The following EXOC6B variants were observed in gnomAD, a reference collection of about 807,000 sequenced individuals.
EXOC6B encodes the protein exocyst complex component 6B.
A neutral mutation model predicts 113.5 loss-of-function variants in EXOC6B; 54 were observed. The ratio of observed to expected loss-of-function variants is 0.48; its 90% CI spans 0.38 to 0.60. The LOEUF (loss-of-function observed/expected upper bound fraction) is 0.60. Among genes scored for constraint, EXOC6B ranks in the 20% least tolerant of loss-of-function variants. EXOC6B has a pLI of 0.00. For missense variants in EXOC6B, 797 were observed against 977.5 expected, an observed-to-expected ratio of 0.82 and a Z score of 2.46; for synonymous variants, 357 against 339.0, an observed-to-expected ratio of 1.05 and a Z score of -0.58.
At chr2:72,354,609 A>G (rs1357679222) in intron 19 of EXOC6B, among the ~76,000 whole-genome samples, 2 of 152,208 alleles carry the variant, frequency 1.3e-5, no homozygotes, top group Non-Finnish European at 2.9e-5. Flanking sequence ...TCTGGAATTC[A>G]AGGAACTTCA....
intron 20 of EXOC6B, among the ~76,000 whole-genome samples, chr2:72,254,453 T>C (rs566238604): frequency 6.6e-6 from 1 of 152,340 alleles, no homozygotes; most frequent in Admixed American, 6.5e-5. Flanking sequence ...AATGCCTTGA[T>C]TTCAGATTTC....
At chr2:72,538,859 C>T (rs1000728734) in intron 8 of EXOC6B, among the ~76,000 whole-genome samples, 2 of 152,140 alleles carry the variant, frequency 1.3e-5, no homozygotes, top group South Asian at 4.1e-4. Context: ...GTTCTCTGCA[C>T]CAAACATCTC....
At position 72,439,207 on chromosome 2, in the gene EXOC6B, AAAAAGT is replaced by A. The variant is rs1696052465; in HGVS notation, c.1980+25947_1980+25952del. The stretch of plus-strand genomic sequence containing the variant: ...ATTGATATGTAAGGTTTTTTAAAGA[AAAAAGT>A]AAAATTATGCATCTTGGGGATATTT... On this transcript the variant is annotated intron_variant, in intron 18 of 21. Transcript: ENST00000272427. Among the ~76,000 whole-genome samples the A allele has an allele frequency of 3.9e-5, 6 of 152,236 alleles. 1 individual carries two copies. In the South Asian group the frequency reaches 1.2e-3, roughly 31 times the overall value.
Position 72,513,133 on chromosome 2 carries a change from G to A in EXOC6B, c.1166C>T (p.Ser389Leu), listed in dbSNP as rs752886733. Reference sequence around the variant, plus strand: ...ACTTCCCTTGGGCTTCTTACATACCGAGTGGGTACGGAGTGCTGCGATGGT... The same window carrying A: ...ACTTCCCTTGGGCTTCTTACATACCAAGTGGGTACGGAGTGCTGCGATGGT... ...SKTIAALRTH[S>L]SYCSDPNLVL... The change falls in exon 11 of 22, where the codon TCG (serine) becomes TTG (leucine). Residue 389 changes from serine (S) to leucine (L), a missense_variant and splice_region_variant. By Grantham distance (145) the Ser-to-Leu change is moderately radical. Transcript: ENST00000272427. 24 of 1,612,624 alleles carry A rather than the reference G, an allele frequency of 1.5e-5. No individual in the cohort carries two copies. Among genetic ancestry groups the A allele is most frequent in the South Asian group, 3.3e-5 (3 of 90,980 alleles).
chr2:72,521,346 A>C (rs1455065729), intron 8 of EXOC6B, among the ~76,000 whole-genome samples: 1 of 152,204 alleles, frequency 6.6e-6, no homozygotes, highest in East Asian at 1.9e-4. Context: ...TCTATTGTTT[A>C]TAAATTACCC....
intron 6 of EXOC6B, among the ~76,000 whole-genome samples, chr2:72,692,856 T>C (rs1677597574): frequency 6.6e-6 from 1 of 152,218 alleles, no homozygotes; most frequent in Admixed American, 6.5e-5. Context: ...AGTGGAATCT[T>C]AGGTTTCAAA....
intron 20 of EXOC6B, among the ~76,000 whole-genome samples, chr2:72,238,080 C>T (rs1682075447): frequency 6.6e-6 from 1 of 152,126 alleles, no homozygotes; most frequent in Non-Finnish European, 1.5e-5. Flanking sequence ...TCATTCCCAT[C>T]CCCCAGCTTC....
intron 6 of EXOC6B, among the ~76,000 whole-genome samples, chr2:72,702,892 A>G (rs1217469485): frequency 2.0e-5 from 3 of 150,624 alleles, no homozygotes; most frequent in Non-Finnish European, 3.0e-5. Context: ...CTCTGATGGT[A>G]GTTTCTTTTG....
chr2:72,232,452 T>A (rs1015512290), intron 20 of EXOC6B, among the ~76,000 whole-genome samples: 5 of 152,186 alleles, frequency 3.3e-5, no homozygotes, highest in African/African-American at 1.2e-4. Flanking sequence ...ACCTAGTAAT[T>A]CTTCTTCTGG....
At chr2:72,229,182 A>C (rs1203154754) in intron 20 of EXOC6B, among the ~76,000 whole-genome samples, 2 of 152,128 alleles carry the variant, frequency 1.3e-5, no homozygotes, top group East Asian at 3.8e-4. Context: ...CTGATTGAGT[A>C]GTGATGCCTT....
Position 72,420,546 on chromosome 2 carries a change from G to A in EXOC6B, c.1981-40676C>T, listed in dbSNP as rs1174924311. Among the ~76,000 whole-genome samples the A allele has an allele frequency of 3.3e-5, 5 of 152,122 alleles. 1 individual carries two copies. The South Asian group carries it at 6.2e-4, about 19-fold the overall frequency. Reference sequence around the variant, plus strand: ...AATGATGGCTTTTACCTTCATCCATGTCCCTGCAAAGGACATGAGCTCATC... The same window carrying A: ...AATGATGGCTTTTACCTTCATCCATATCCCTGCAAAGGACATGAGCTCATC... On this transcript the variant is annotated intron_variant, in intron 18 of 21. Transcript: ENST00000272427.
intron 1 of EXOC6B, among the ~76,000 whole-genome samples, chr2:72,804,904 A>G (rs1030072582): frequency 2.0e-5 from 3 of 152,050 alleles, no homozygotes; most frequent in African/African-American, 7.2e-5. Context: ...GCCAGCCTTT[A>G]AACTCTTAAA....
At chr2:72,767,169 C>A (rs991865166) in intron 1 of EXOC6B, among the ~76,000 whole-genome samples, 2 of 152,054 alleles carry the variant, frequency 1.3e-5, no homozygotes, top group Non-Finnish European at 2.9e-5. Flanking sequence ...GGGGCTCACG[C>A]CTGTAATCCC....
chr2:72,312,759 A>AAACAAC (rs199648970), intron 20 of EXOC6B, among the ~76,000 whole-genome samples: 3 of 150,874 alleles, frequency 2.0e-5, no homozygotes, highest in Admixed American at 6.6e-5. Context: ...TTGTCTCAAA[A>AAACAAC]AACAACAACA....
chr2:72,395,425 T>C (rs1179076377), intron 18 of EXOC6B, among the ~76,000 whole-genome samples: 2 of 152,168 alleles, frequency 1.3e-5, no homozygotes, highest in African/African-American at 4.8e-5. Flanking sequence ...TCTTTTTTGC[T>C]TTTTTGAGCT....
At chr2:72,245,411 C>T (rs1333294419) in intron 20 of EXOC6B, among the ~76,000 whole-genome samples, 4 of 117,518 alleles carry the variant, frequency 3.4e-5, no homozygotes. Context: ...GTTCCTGGAA[C>T]AACTGGACAT....
intron 6 of EXOC6B, among the ~76,000 whole-genome samples, chr2:72,597,301 G>T (rs1296104247): frequency 2.0e-5 from 3 of 151,698 alleles, no homozygotes; most frequent in Non-Finnish European, 4.4e-5. Flanking sequence ...TAAGGAACTA[G>T]AGGGAGGAAC....
intron 20 of EXOC6B, among the ~76,000 whole-genome samples, chr2:72,252,834 A>T (rs533001776): frequency 6.6e-6 from 1 of 152,342 alleles, no homozygotes; most frequent in Admixed American, 6.5e-5. Flanking sequence ...ATACCCATGT[A>T]ACAAACCTAC....
intron 20 of EXOC6B, among the ~76,000 whole-genome samples, chr2:72,293,243 T>C (rs993515604): frequency 6.6e-6 from 1 of 152,100 alleles, no homozygotes; most frequent in African/African-American, 2.4e-5. Context: ...GAGCTGGATA[T>C]CCTAAATGAG....
Sources: allele counts gnomAD v4.1 joint callset (sites outside exome capture counted in the v4.1 genomes callset), GRCh38; gene constraint gnomAD v4.1.1; transcripts MANE v1.5; gene names NCBI Gene and HGNC (gene_info 2026-07-23, HGNC 2026-07-21).